The following MEIS1 variants were observed in gnomAD, a reference collection of about 807,000 sequenced individuals.
MEIS1 encodes the protein Meis homeobox 1, also known as homeobox protein Meis1.
MEIS1 carries 5 observed loss-of-function variants against 50.8 expected under a neutral mutation model. The ratio of observed to expected loss-of-function variants is 0.10; its 90% confidence interval spans 0.05 to 0.21. The LOEUF is 0.21. Ranked by LOEUF, MEIS1 falls within the 10% of genes least tolerant of loss-of-function variation. The pLI is 1.00. For synonymous variants in MEIS1, 176 were observed against 179.3 expected, an observed-to-expected ratio of 0.98 and a Z score of 0.15; for missense variants, 318 against 517.3, an observed-to-expected ratio of 0.61 and a Z score of 3.74.
rs1293032464 is a variant in MEIS1, at chr2:66,439,909, C to T, written c.306C>T (p.Arg102=). 1.2e-6 allele frequency: 2 copies of T among 1,613,700 alleles called. No individual in the cohort carries two copies. Among genetic ancestry groups the T allele is most frequent in the Non-Finnish European group, 1.7e-6 (2 of 1,179,784 alleles). The change falls in exon 3 of 13, where the codon CGC becomes CGT. Residue 102 remains arginine (R), a synonymous_variant. Coordinates refer to ENST00000272369, the MANE Select transcript of MEIS1 (RefSeq NM_002398.3). ...GTGAATTAGCTACTTGTACCCCCCG[C>T]GAGCCGGGGGTGGCGGGCGGGGACG... ...EKCELATCTP[R]EPGVAGGDVC...
At chr2:66,502,411 A>T (rs1281125013) in intron 7 of MEIS1, among the ~76,000 whole-genome samples, 2 of 152,236 alleles carry the variant, frequency 1.3e-5, no homozygotes, top group Admixed American at 1.3e-4. Flanking sequence ...ACCTTTACTT[A>T]TTACTTTACC....
chr2:66,491,031 TACA>T (rs903878663), intron 7 of MEIS1, among the ~76,000 whole-genome samples: 2 of 150,260 alleles, frequency 1.3e-5, no homozygotes, highest in East Asian at 1.9e-4. Flanking sequence ...ATAGTTTTGT[TACA>T]ACAACAAGAA....
chr2:66,523,146 T>C (rs1674167287), intron 8 of MEIS1, among the ~76,000 whole-genome samples: 1 of 152,202 alleles, frequency 6.6e-6, no homozygotes, highest in African/African-American at 2.4e-5. Context: ...GGGGAAAGAA[T>C]GTCTGCAAAT....
rs958348230 is a variant in MEIS1 at position 66,567,500 on chromosome 2, C to T, written c.1013C>T (p.Ser338Phe). 6.2e-7 allele frequency: 1 copy of T among 1,613,852 alleles called. No homozygotes were observed. The highest frequency in any genetic ancestry group is 8.5e-7 in the Non-Finnish European group (1 of 1,179,924). Reference sequence around the variant, plus strand: ...ATAGTGCAGCCCATGATAGACCAGTCCAACCGAGCAGGCAAGTCCCCCATA... The same window carrying T: ...ATAGTGCAGCCCATGATAGACCAGTTCAACCGAGCAGGCAAGTCCCCCATA... ...RRIVQPMIDQ[S>F]NRAVSQGTPY... The change falls in exon 10 of 13, where the codon TCC becomes TTC. Residue 338 changes from serine to phenylalanine, a missense_variant. Physicochemically the swap from Ser to Phe is radical, Grantham distance 155 (BLOSUM62 -2). Coordinates refer to ENST00000272369, the MANE Select transcript of MEIS1 (RefSeq NM_002398.3).
chr2:66,512,233 G>A lies in MEIS1; in HGVS notation c.827G>A (p.Arg276His), dbSNP rs913781723. Residue 276 changes from arginine to histidine, a missense_variant, in exon 8 of 13, where the codon CGT becomes CAT. This residue lies in a region of MEIS1 where 40 missense variants were observed against 102.8 expected (regional missense o/e 0.39). Transcript: ENST00000272369. Reference sequence around the variant, plus strand: ...AAGGACAAAAAGCGTCACAAAAAGCGTGGCATCTTTCCCAAAGTAGCCACA... The same window carrying A: ...AAGGACAAAAAGCGTCACAAAAAGCATGGCATCTTTCCCAAAGTAGCCACA... ...PDKDKKRHKK[R>H]GIFPKVATNI... is the part of the protein sequence containing the mutation. 1.2e-6 allele frequency: 2 copies of A among 1,612,484 alleles called. No homozygotes were observed. The highest frequency in any genetic ancestry group is 1.7e-6 in the Non-Finnish European group (2 of 1,179,494).
chr2:66,474,453 GA>G (rs1672842341), intron 7 of MEIS1, among the ~76,000 whole-genome samples: 2 of 152,102 alleles, frequency 1.3e-5, no homozygotes, highest in African/African-American at 4.8e-5. Flanking sequence ...CTCTCCCCCT[GA>G]TGTTATTTCT....
At chr2:66,473,397 A>AAAAAATATATATATATATATAT in intron 7 of MEIS1, among the ~76,000 whole-genome samples, 3 of 107,604 alleles carry the variant, frequency 2.8e-5, no homozygotes, top group African/African-American at 1.2e-4. Context: ...AAAAAAAAAA[A>AAAAAATATATATATATATATAT]ATATATATAT....
chr2:66,544,695 C>T (rs1674746629), intron 8 of MEIS1, among the ~76,000 whole-genome samples: 1 of 152,082 alleles, frequency 6.6e-6, no homozygotes, highest in South Asian at 2.1e-4. Flanking sequence ...AGTGCTGAGC[C>T]TCCATAGCTT....
rs754405928 is a variant in MEIS1 at position 66,459,534 on chromosome 2, G to A, written c.631-4575G>A. On this transcript the variant is annotated intron_variant, in intron 6 of 12. Coordinates refer to ENST00000272369, the MANE Select transcript of MEIS1 (RefSeq NM_002398.3). ...GACACCATGTCTGACCTCACAGAGC[G>A]TATGATCTGGTGGAATGGAACTCTT... Among the ~76,000 whole-genome samples, 14 of 152,308 alleles carry A rather than the reference G, an allele frequency of 9.2e-5. No homozygotes were observed. The South Asian group carries it at 1.0e-3, about 11-fold the overall frequency.
intron 7 of MEIS1, among the ~76,000 whole-genome samples, chr2:66,499,417 A>G (rs533401757): frequency 2.6e-5 from 4 of 151,878 alleles, no homozygotes; most frequent in Non-Finnish European, 5.9e-5. Context: ...CTTCTGCCTG[A>G]TCCTAGGATG....
intron 7 of MEIS1, among the ~76,000 whole-genome samples, chr2:66,480,006 G>A (rs1308860256): frequency 6.6e-6 from 1 of 152,132 alleles, no homozygotes; most frequent in Non-Finnish European, 1.5e-5. Flanking sequence ...GTGCATAAAC[G>A]GTGGCCTAGA....
At chr2:66,482,570 G>C (rs1448757034) in intron 7 of MEIS1, among the ~76,000 whole-genome samples, 1 of 152,186 alleles carries the variant, frequency 6.6e-6, no homozygotes, top group Non-Finnish European at 1.5e-5. Flanking sequence ...ATATGAGGAA[G>C]GATCTTTAGA....
chr2:66,450,574 G>A (rs1672255806), intron 6 of MEIS1, among the ~76,000 whole-genome samples: 1 of 152,154 alleles, frequency 6.6e-6, no homozygotes, highest in South Asian at 2.1e-4. Flanking sequence ...ATTAGCAACT[G>A]TTATAGTTGT....
At chr2:66,436,961 C>G (rs1373374757) in intron 1 of MEIS1, 2 of 982,516 alleles carry the variant, frequency 2.0e-6, no homozygotes, top group African/African-American at 3.5e-5. Context: ...ACATTTGCCT[C>G]CTTGACTTCT....
intron 6 of MEIS1, among the ~76,000 whole-genome samples, chr2:66,456,235 T>TACACACACACACACACAC (rs3220293): frequency 0.018 from 2,601 of 147,570 alleles, 56 homozygotes; most frequent in African/African-American, 0.044. Context: ...ATGATTTTTA[T>TACACACACACACACACAC]ACACACACAC....
At chr2:66,494,851 G>A (rs1431148629) in intron 7 of MEIS1, among the ~76,000 whole-genome samples, 1 of 152,140 alleles carries the variant, frequency 6.6e-6, no homozygotes, top group Non-Finnish European at 1.5e-5. Flanking sequence ...ACCGACCTGA[G>A]ACTGAGGACC....
intron 8 of MEIS1, among the ~76,000 whole-genome samples, chr2:66,540,280 C>T (rs1272447976): frequency 6.6e-6 from 1 of 152,088 alleles, no homozygotes; most frequent in African/African-American, 2.4e-5. Context: ...TGAGTTTTCT[C>T]CCTTATCTAC....
chr2:66,535,819 TTTGA>T (rs796630588), intron 8 of MEIS1, among the ~76,000 whole-genome samples: 2 of 152,308 alleles, frequency 1.3e-5, no homozygotes, highest in African/African-American at 4.8e-5. Flanking sequence ...TTCCCTTTAG[TTTGA>T]TTGCAAGATA....
chr2:66,473,128 C>T (rs560026866), intron 7 of MEIS1, among the ~76,000 whole-genome samples: 1 of 151,888 alleles, frequency 6.6e-6, no homozygotes, highest in East Asian at 1.9e-4. Flanking sequence ...CCTGTAATCC[C>T]AGCACTTTGG....
Sources: allele counts gnomAD v4.1 joint callset (sites outside exome capture counted in the v4.1 genomes callset), GRCh38; gene constraint gnomAD v4.1.1; regional missense constraint gnomAD v4.1.1; transcripts MANE v1.5; gene names NCBI Gene and HGNC (gene_info 2026-07-23, HGNC 2026-07-21).